Variants in KIR2DL1 observed in about 807,000 individuals in gnomAD.
The protein encoded by KIR2DL1 is killer cell immunoglobulin-like receptor 2DL1.
Under a neutral mutation model 33.9 loss-of-function variants are expected in KIR2DL1, and 38 were observed. The observed-to-expected ratio is 1.12, with a 90% CI of 0.86 to 1.47. KIR2DL1 has a LOEUF of 1.47. Among genes scored for constraint, KIR2DL1 ranks in the 40% most tolerant of loss-of-function variants. KIR2DL1 has a pLI of 0.00. For missense variants in KIR2DL1, 531 were observed against 433.9 expected (o/e 1.22, Z -1.99); for synonymous variants, 179 against 165.9 (o/e 1.08, Z -0.61).
In KIR2DL1 at chr19:54,773,419, G is replaced by C; in HGVS notation, c.157G>C (p.Val53Leu). The change falls in exon 3 of 8, where the codon GTC becomes CTC. Residue 53 changes from valine (V) to leucine (L), a missense_variant. Val to Leu is a conservative substitution (Grantham distance 32). Transcript: ENST00000336077. ...ETVILQCWSD[V>L]MFEHFLLHRE... ...AGTCATCCTGCAGTGTTGGTCAGAT[G>C]TCATGTTTGAACACTTCCTTCTGCA... 1 of 1,592,210 alleles carries C rather than the reference G, an allele frequency of 6.3e-7. No homozygotes were observed.
intron 1 of KIR2DL1, 83 bp from the exon 2 acceptor site, chr19:54,770,765 AC>A: frequency 6.6e-7 from 1 of 1,514,776 alleles, no homozygotes. Flanking sequence ...GGGCCTGGCT[AC>A]CAAGACTCAC....
intron 2 of KIR2DL1, among the ~76,000 whole-genome samples, chr19:54,771,307 A>G (rs774786922): frequency 6.7e-6 from 1 of 148,496 alleles, no homozygotes; most frequent in Non-Finnish European, 1.5e-5. Flanking sequence ...GCATCGGCTG[A>G]TATTCCATTC....
Position 54,784,195 on chromosome 19 carries a change from C to T in KIR2DL1, c.*382C>T. 2.6e-6 allele frequency: 1 copy of T among 384,270 alleles called. No homozygotes were observed. Among genetic ancestry groups the T allele is most frequent in the Non-Finnish European group, 4.7e-6 (1 of 210,782 alleles). 23.8% of individuals were successfully genotyped at this position (384,270 alleles called of 1,614,324 possible). On this transcript the variant is annotated 3_prime_UTR_variant, in exon 8 of 8. Coordinates refer to ENST00000336077, the MANE Select transcript of KIR2DL1 (RefSeq NM_014218.3). ...CAGCACTTAGACACGTGTTGTTCCA[C>T]CTTCCCTCATGCTGTTCCACCTCCC... is the stretch of plus-strand genomic sequence containing the variant.
intron 3 of KIR2DL1, among the ~76,000 whole-genome samples, chr19:54,774,955 C>T (rs1434762291): frequency 1.4e-5 from 2 of 147,856 alleles, no homozygotes; most frequent in Non-Finnish European, 3.0e-5. Flanking sequence ...AAAGAGAAAA[C>T]ATATCTAGAG....
chr19:54,775,484 T>A (rs1248665452), intron 4 of KIR2DL1, 26 bp downstream of exon 4: 2 of 1,569,924 alleles, frequency 1.3e-6, no homozygotes, highest in East Asian at 2.2e-5. Flanking sequence ...GGCTGTCCCA[T>A]GTCCTATGAT....
At chr19:54,777,247 C>T (rs1446670798) in intron 4 of KIR2DL1, among the ~76,000 whole-genome samples, 3 of 149,270 alleles carry the variant, frequency 2.0e-5, no homozygotes, top group African/African-American at 4.9e-5. Context: ...CACGCCACCA[C>T]GCCCTACTAA....
chr19:54,775,139 G>T (rs566465810), intron 3 of KIR2DL1, 26 bp from the exon 4 acceptor site: 2 of 1,549,142 alleles, frequency 1.3e-6, no homozygotes, highest in Non-Finnish European at 1.8e-6. Context: ...GATCCTCCCT[G>T]AGGAAACTGC....
chr19:54,782,982 T>C lies in KIR2DL1; in HGVS notation c.776T>C (p.Leu259Pro). 1.9e-6 allele frequency: 3 copies of C among 1,613,758 alleles called. No individual in the cohort carries two copies. The highest frequency in any genetic ancestry group is 8.5e-7 in the Non-Finnish European group (1 of 1,179,894). ...GTSVVIILFI[L>P]LFFLLHRWCS... is the part of the protein sequence containing the mutation. ...TCAGTGGTCATCATCCTCTTCATCC[T>C]CCTCTTCTTTCTCCTTCATCGCTGG... The change falls in exon 6 of 8, where the codon CTC becomes CCC. Residue 259 changes from leucine (L) to proline (P), a missense_variant. Leu to Pro is a moderately conservative substitution (Grantham distance 98). Transcript: ENST00000336077.
intron 4 of KIR2DL1, among the ~76,000 whole-genome samples, chr19:54,776,988 T>C (rs1433756339): frequency 6.6e-6 from 1 of 151,154 alleles, no homozygotes; most frequent in Non-Finnish European, 1.5e-5. Context: ...CCGTAATGGC[T>C]GTACTAATTT....
chr19:54,778,163 G>A (rs1177577352), intron 4 of KIR2DL1, among the ~76,000 whole-genome samples: 1 of 148,462 alleles, frequency 6.7e-6, no homozygotes, highest in African/African-American at 2.5e-5. Context: ...AGGAATTTGA[G>A]GCAAGAGAAT....
chr19:54,776,860 T>TCAAACTCA (rs2076408649), intron 4 of KIR2DL1, among the ~76,000 whole-genome samples: 1 of 147,680 alleles, frequency 6.8e-6, no homozygotes, highest in South Asian at 2.1e-4. Context: ...TGGGCTGCTC[T>TCAAACTCA]CAAACTCATG....
chr19:54,780,134 C>T (rs2076783608), intron 5 of KIR2DL1: 1 of 527,438 alleles, frequency 1.9e-6, no homozygotes, highest in Non-Finnish European at 3.3e-6. Context: ...AAACTCCCAA[C>T]CTCAAGTGAT....
intron 2 of KIR2DL1, among the ~76,000 whole-genome samples, chr19:54,772,430 G>C (rs1264718877): frequency 2.1e-5 from 3 of 145,256 alleles, no homozygotes; most frequent in Non-Finnish European, 3.1e-5. Context: ...TCCGATTTCT[G>C]TCTCCAGAAT....
At chr19:54,774,598 T>A (rs1481104756) in intron 3 of KIR2DL1, among the ~76,000 whole-genome samples, 3 of 147,982 alleles carry the variant, frequency 2.0e-5, no homozygotes, top group African/African-American at 7.4e-5. Context: ...CATTAATAGA[T>A]GAGACATAGA....
At chr19:54,774,710 T>C (rs1429767690) in intron 3 of KIR2DL1, among the ~76,000 whole-genome samples, 2 of 146,960 alleles carry the variant, frequency 1.4e-5, no homozygotes, top group South Asian at 2.1e-4. Flanking sequence ...ATATAGATAA[T>C]AGATGATTGA....
At chr19:54,777,216 G>A (rs1229464057) in intron 4 of KIR2DL1, among the ~76,000 whole-genome samples, 6 of 149,382 alleles carry the variant, frequency 4.0e-5, no homozygotes, top group African/African-American at 1.5e-4. Flanking sequence ...TCAGCCTCCC[G>A]AGTAGCTGGA....
chr19:54,773,808 G>C (rs1247579055), intron 3 of KIR2DL1, among the ~76,000 whole-genome samples, 176 bp downstream of exon 3: 2 of 147,910 alleles, frequency 1.4e-5, no homozygotes, highest in African/African-American at 4.9e-5. Flanking sequence ...GTAGAGACCA[G>C]GTGTCATAAC....
Position 54,773,648 on chromosome 19 carries a change from C to A in KIR2DL1, c.370+16C>A, listed in dbSNP as rs768079408. 7 of 1,554,098 alleles carry A rather than the reference C, an allele frequency of 4.5e-6. No homozygotes were observed. Among genetic ancestry groups the A allele is most frequent in the Non-Finnish European group, 6.2e-6 (7 of 1,134,406 alleles). On this transcript the variant is annotated intron_variant, in intron 3 of 7. Coordinates refer to ENST00000336077, the MANE Select transcript of KIR2DL1 (RefSeq NM_014218.3). ...GTGATCATAGGTGAGAGTGTCCAGA[C>A]TTTCTTCTCATTGTCATTGGGATGC... is the stretch of plus-strand genomic sequence containing the variant.
intron 6 of KIR2DL1, 98 bp downstream of exon 6, chr19:54,783,121 T>A (rs1448779118): frequency 2.9e-6 from 4 of 1,401,826 alleles, no homozygotes; most frequent in East Asian, 4.6e-5. Flanking sequence ...GGATGGTCCC[T>A]GGCCCAAGGC....
Sources: allele counts gnomAD v4.1 joint callset (sites outside exome capture counted in the v4.1 genomes callset), GRCh38; gene constraint gnomAD v4.1.1; transcripts MANE v1.5; gene names NCBI Gene and HGNC (gene_info 2026-07-23, HGNC 2026-07-21).